The following TSHZ2 variants were observed in gnomAD, a reference collection of about 807,000 sequenced individuals.
The protein encoded by TSHZ2 is teashirt zinc finger homeobox 2, also known as teashirt homolog 2.
TSHZ2 carries 21 observed loss-of-function variants against 74.4 expected under a neutral mutation model. That is an observed-to-expected ratio of 0.28 (90% CI 0.20 to 0.41). The LOEUF is 0.41. TSHZ2 is among the 10% of genes least tolerant of loss of function. The pLI is 1.00. For synonymous variants in TSHZ2, 540 were observed against 515.3 expected, an observed-to-expected ratio of 1.05 and a Z score of -0.65; for missense variants, 1,244 against 1,293.5, an observed-to-expected ratio of 0.96 and a Z score of 0.59.
chr20:53,458,561 C>T (rs1269817923), intron 2 of TSHZ2, among the ~76,000 whole-genome samples: 2 of 152,080 alleles, frequency 1.3e-5, no homozygotes, highest in Non-Finnish European at 2.9e-5. Flanking sequence ...CTATTATTTC[C>T]TTCAGTTCTG....
intron 1 of TSHZ2, chr20:53,185,367 G>A: frequency 1.7e-6 from 2 of 1,182,824 alleles, no homozygotes; most frequent in Non-Finnish European, 2.1e-6. Flanking sequence ...CAAAATTGGT[G>A]ATAGCCTCTG....
At chr20:53,327,975 T>G (rs916388632) in intron 2 of TSHZ2, among the ~76,000 whole-genome samples, 1 of 152,132 alleles carries the variant, frequency 6.6e-6, no homozygotes, top group African/African-American at 2.4e-5. Flanking sequence ...TGCAGACTTG[T>G]GAATTTGGAA....
At chr20:53,218,365 G>A (rs1282593967) in intron 1 of TSHZ2, among the ~76,000 whole-genome samples, 3 of 152,164 alleles carry the variant, frequency 2.0e-5, no homozygotes, top group African/African-American at 2.4e-5. Flanking sequence ...GTTGGCACAG[G>A]GGCAAATGAA....
At chr20:53,227,640 T>C (rs1331934559) in intron 1 of TSHZ2, among the ~76,000 whole-genome samples, 1 of 152,196 alleles carries the variant, frequency 6.6e-6, no homozygotes, top group East Asian at 1.9e-4. Context: ...TTATTTTAAA[T>C]GTACAAAACC....
intron 2 of TSHZ2, among the ~76,000 whole-genome samples, chr20:53,469,713 A>AGAGGGAGGAAGG (rs1367739030): frequency 2.8e-5 from 2 of 71,994 alleles, no homozygotes; most frequent in Non-Finnish European, 2.7e-5. Context: ...AGAGAAAGAG[A>AGAGGGAGGAAGG]GAGGGAGGAA....
chr20:53,489,311 G>C lies in TSHZ2; in HGVS notation c.*2176G>C. 1 of 400,964 alleles carries C rather than the reference G, an allele frequency of 2.5e-6. No homozygotes were observed. The highest frequency in any genetic ancestry group is 1.9e-5 in the South Asian group (1 of 53,532). 24.8% of individuals were successfully genotyped at this position (400,964 alleles called of 1,614,324 possible). ...ATTCAACCAGAAATGAATGGAGCTCGACTGGAAAGGAACAGTCTTCAGATG... is the reference window on the plus strand; with the variant it reads ...ATTCAACCAGAAATGAATGGAGCTCCACTGGAAAGGAACAGTCTTCAGATG... On this transcript the variant is annotated 3_prime_UTR_variant, in exon 3 of 3. Coordinates refer to ENST00000371497, the MANE Select transcript of TSHZ2 (RefSeq NM_173485.6).
Position 53,050,124 on chromosome 20 carries a change from T to TATATATATAC in TSHZ2, c.40+76792_40+76793insTATATATACA, listed in dbSNP as rs1409158633. 2.1e-3 allele frequency among the ~76,000 whole-genome samples: 224 copies of TATATATATAC among 107,182 alleles called. 5 individuals carry two copies. Among genetic ancestry groups the TATATATATAC allele is most frequent in the African/African-American group, 0.014 (218 of 15,510 alleles). The allele number at this position is 107,182 out of a possible 152,430, so 70.3% of individuals were successfully genotyped here. A position where few individuals can be genotyped will look rare whatever the true frequency, so the allele number is the denominator to read the frequency against. ...GTGTGTATATATATATATATATATA[T>TATATATATAC]ACACATATATATATGTGTATATATA... On this transcript the variant is annotated intron_variant, in intron 1 of 2. Transcript: ENST00000371497.
At chr20:53,364,229 C>T (rs141680628) in intron 2 of TSHZ2, among the ~76,000 whole-genome samples, 73 of 152,258 alleles carry the variant, frequency 4.8e-4, no homozygotes, top group African/African-American at 1.6e-3. Flanking sequence ...CAACAAGGAC[C>T]GCCGTGTGGG....
intron 2 of TSHZ2, among the ~76,000 whole-genome samples, chr20:53,329,667 G>A (rs930182927): frequency 2.6e-5 from 4 of 151,976 alleles, no homozygotes; most frequent in African/African-American, 7.2e-5. Flanking sequence ...GGGCGGGGGA[G>A]GGCGTAAAAA....
In TSHZ2 at chr20:53,412,291, T is replaced by A. The variant is rs1983080976; in HGVS notation, c.*9-74853T>A. ...CAGCCTGCTGACAATAGCTTCAGGA[T>A]AGTTAGAAAAGGGAATGGGACAAGA... On this transcript the variant is annotated intron_variant, in intron 2 of 2. Transcript: ENST00000371497. Among the ~76,000 whole-genome samples, 4 of 152,158 alleles carry A rather than the reference T, an allele frequency of 2.6e-5. No individual in the cohort carries two copies. The South Asian group carries it at 8.3e-4, about 31-fold the overall frequency.
At chr20:53,108,902 TC>T (rs1428720510) in intron 1 of TSHZ2, among the ~76,000 whole-genome samples, 1 of 152,148 alleles carries the variant, frequency 6.6e-6, no homozygotes, top group Non-Finnish European at 1.5e-5. Flanking sequence ...AATTTCTTTT[TC>T]TTCCTTCCCT....
chr20:53,428,583 G>A lies in TSHZ2; in HGVS notation c.*9-58561G>A, dbSNP rs547791865. Among the ~76,000 whole-genome samples the A allele has an allele frequency of 3.3e-5, 5 of 152,304 alleles. No homozygotes were observed. The South Asian group carries it at 1.0e-3, about 32-fold the overall frequency. ...ATTCCCAATCATTGTTGAAGGATGAGGGTGGTCAATGAACTCATTGGCATT... is the reference window on the plus strand; with the variant it reads ...ATTCCCAATCATTGTTGAAGGATGAAGGTGGTCAATGAACTCATTGGCATT... On this transcript the variant is annotated intron_variant, in intron 2 of 2. Coordinates refer to ENST00000371497, the MANE Select transcript of TSHZ2 (RefSeq NM_173485.6).
Position 53,460,202 on chromosome 20 carries a change from C to T in TSHZ2, c.*9-26942C>T, listed in dbSNP as rs1173147568. On this transcript the variant is annotated intron_variant, in intron 2 of 2. Coordinates refer to ENST00000371497, the MANE Select transcript of TSHZ2 (RefSeq NM_173485.6). ...ATCACTTTCAGGTACACCAATCAGA[C>T]GTAGATTTGGTCTTTTCGCATAGTC... Among the ~76,000 whole-genome samples, 59 of 151,804 alleles carry T rather than the reference C, an allele frequency of 3.9e-4. 1 individual carries two copies. In the South Asian group the frequency reaches 0.011, roughly 29 times the overall value.
At position 53,026,713 on chromosome 20, in the gene TSHZ2, T is replaced by G. The variant is rs538465412; in HGVS notation, c.40+53380T>G. 2.2e-3 allele frequency among the ~76,000 whole-genome samples: 342 copies of G among 152,362 alleles called. 2 individuals are homozygous for G. Among genetic ancestry groups the G allele is most frequent in the Middle Eastern group, 6.8e-3 (2 of 294 alleles). On this transcript the variant is annotated intron_variant, in intron 1 of 2. Transcript: ENST00000371497. ...CTGCTTTGTCTTTCTGTACATTTAA[T>G]GCCTTTTTAACAAAATATTATTATA...
intron 2 of TSHZ2, among the ~76,000 whole-genome samples, chr20:53,416,104 G>T (rs1288130898): frequency 1.3e-5 from 2 of 152,188 alleles, no homozygotes; most frequent in Non-Finnish European, 2.9e-5. Context: ...GCAGGTGGGT[G>T]GTGGAGACGA....
Position 53,050,127 on chromosome 20 carries a change from A to G in TSHZ2, c.40+76794A>G, listed in dbSNP as rs1362069936. ...TGTATATATATATATATATATATAC[A>G]CATATATATATGTGTATATATATAT... On this transcript the variant is annotated intron_variant, in intron 1 of 2. Transcript: ENST00000371497. Among the ~76,000 whole-genome samples, 61 of 79,034 alleles carry G rather than the reference A, an allele frequency of 7.7e-4. No homozygotes were observed. In the African/African-American group the frequency reaches 7.9e-3, roughly 10 times the overall value. The allele number at this position is 79,034 out of a possible 152,430, so 51.8% of individuals were successfully genotyped here.
chr20:53,480,359 G>A (rs1198020066), intron 2 of TSHZ2, among the ~76,000 whole-genome samples: 3 of 151,600 alleles, frequency 2.0e-5, no homozygotes, highest in African/African-American at 7.3e-5. Flanking sequence ...ATGAGCCACC[G>A]TGCCCAGCCA....
At chr20:52,980,323 C>T (rs1981516113) in intron 1 of TSHZ2, among the ~76,000 whole-genome samples, 1 of 151,904 alleles carries the variant, frequency 6.6e-6, no homozygotes, top group Non-Finnish European at 1.5e-5. Context: ...TCTTTTGCAT[C>T]TCTCTCCAAA....
chr20:53,423,621 T>C (rs1360947929), intron 2 of TSHZ2, among the ~76,000 whole-genome samples: 3 of 152,204 alleles, frequency 2.0e-5, no homozygotes, highest in Admixed American at 1.3e-4. Flanking sequence ...CTTTGCCAAC[T>C]GCTTTGTTTA....
Sources: allele counts gnomAD v4.1 joint callset (sites outside exome capture counted in the v4.1 genomes callset), GRCh38; gene constraint gnomAD v4.1.1; transcripts MANE v1.5; gene names NCBI Gene and HGNC (gene_info 2026-07-23, HGNC 2026-07-21).